Variants in PKP4 observed in about 807,000 individuals in gnomAD.
PKP4 encodes the protein plakophilin-4.
A neutral mutation model predicts 145.1 loss-of-function variants in PKP4; 90 were observed. The ratio of observed to expected loss-of-function variants is 0.62; its 90% CI spans 0.52 to 0.74. The LOEUF is 0.74. Among genes scored for constraint, PKP4 ranks in the 30% least tolerant of loss-of-function variants. PKP4 has a pLI of 0.00. For missense variants in PKP4, 1,340 were observed against 1,482.7 expected (o/e 0.90, Z 1.58); for synonymous variants, 563 against 577.2 (o/e 0.98, Z 0.35).
chr2:158,500,761 G>A (rs1194592698), intron 1 of PKP4, among the ~76,000 whole-genome samples: 1 of 152,192 alleles, frequency 6.6e-6, no homozygotes, highest in Non-Finnish European at 1.5e-5. Context: ...AGAGATGCAA[G>A]TATCTGGGAG....
intron 8 of PKP4, among the ~76,000 whole-genome samples, chr2:158,632,185 A>T (rs773814840): frequency 6.6e-6 from 1 of 152,242 alleles, no homozygotes; most frequent in Non-Finnish European, 1.5e-5. Context: ...TAATTCAGGA[A>T]TAAGTTTGTA....
chr2:158,524,497 A>G (rs1160966829), intron 1 of PKP4, among the ~76,000 whole-genome samples: 4 of 112,446 alleles, frequency 3.6e-5, no homozygotes, highest in Non-Finnish European at 7.5e-5. Flanking sequence ...AAACATGGAA[A>G]GGAACAACCG....
chr2:158,580,532 A>G (rs1281791823), intron 3 of PKP4, among the ~76,000 whole-genome samples: 1 of 152,212 alleles, frequency 6.6e-6, no homozygotes, highest in Non-Finnish European at 1.5e-5. Context: ...GCTGGCATTT[A>G]ATTGTGAAGA....
intron 1 of PKP4, among the ~76,000 whole-genome samples, chr2:158,498,217 A>G (rs1696028720): frequency 6.6e-6 from 1 of 151,828 alleles, no homozygotes; most frequent in Non-Finnish European, 1.5e-5. Context: ...TGAATTCCTG[A>G]GCTCAAGGGA....
At chr2:158,485,470 G>C (rs2105448058) in intron 1 of PKP4, among the ~76,000 whole-genome samples, 1 of 152,226 alleles carries the variant, frequency 6.6e-6, no homozygotes, top group East Asian at 1.9e-4. Flanking sequence ...TAACACCACT[G>C]TTCATAATTT....
At position 158,603,903 on chromosome 2, in the gene PKP4, T is replaced by A. The variant is rs577914999; in HGVS notation, c.280+799T>A. 5.9e-5 allele frequency among the ~76,000 whole-genome samples: 9 copies of A among 152,318 alleles called. 1 individual carries two copies. The Middle Eastern group carries it at 0.017, about 288-fold the overall frequency. ...AAGACTTAGATAACCAAATGCCCAG[T>A]ATCTGAGTTTATCTAAACCTAGTGC... is the stretch of plus-strand genomic sequence containing the variant. On this transcript the variant is annotated intron_variant, in intron 4 of 21. Transcript: ENST00000389759.
chr2:158,629,860 C>T (rs755743870), intron 7 of PKP4, among the ~76,000 whole-genome samples: 6 of 152,086 alleles, frequency 3.9e-5, no homozygotes, highest in Middle Eastern at 3.2e-3. Flanking sequence ...TCTGCCCAGC[C>T]TCAGCTGGGA....
At chr2:158,642,036 G>T (rs189317900) in intron 10 of PKP4, among the ~76,000 whole-genome samples, 4 of 152,052 alleles carry the variant, frequency 2.6e-5, no homozygotes, top group East Asian at 1.9e-4. Context: ...GGTGGGGGGT[G>T]GGGGGCACAG....
At chr2:158,591,847 G>T (rs1189562951) in intron 3 of PKP4, among the ~76,000 whole-genome samples, 2 of 151,986 alleles carry the variant, frequency 1.3e-5, no homozygotes, top group Non-Finnish European at 2.9e-5. Context: ...GGGACAGGGA[G>T]AAAAAAGAGG....
rs75929519 is a variant in PKP4, at chr2:158,558,044, A to C, written c.133-19227A>C. Among the ~76,000 whole-genome samples, 1,056 of 152,314 alleles carry C rather than the reference A, an allele frequency of 6.9e-3. 17 individuals are homozygous for C. The highest frequency in any genetic ancestry group is 0.024 in the African/African-American group (1,005 of 41,574). ...TGTTACTTGAAGCCATGGGAGCAGCAGAGGCATGAAGAACACAGGCCCTAG... is the reference window on the plus strand; with the variant it reads ...TGTTACTTGAAGCCATGGGAGCAGCCGAGGCATGAAGAACACAGGCCCTAG... On this transcript the variant is annotated intron_variant, in intron 2 of 21. Transcript: ENST00000389759.
intron 1 of PKP4, among the ~76,000 whole-genome samples, chr2:158,466,079 A>G (rs1474561349): frequency 6.6e-6 from 1 of 152,236 alleles, no homozygotes; most frequent in Non-Finnish European, 1.5e-5. Context: ...TATCAGTTCC[A>G]TGGGAAAATA....
At position 158,631,899 on chromosome 2, in the gene PKP4, G is replaced by T. The variant is rs988029196; in HGVS notation, c.1300G>T (p.Glu434Ter). 1.2e-6 allele frequency: 2 copies of T among 1,614,090 alleles called. No homozygotes were observed. Among genetic ancestry groups the T allele is most frequent in the Non-Finnish European group, 8.5e-7 (1 of 1,180,020 alleles). The change falls in exon 8 of 22, where the codon GAG becomes TAG. Residue 434 changes from glutamate to a stop codon, truncating the protein, a stop_gained. Coordinates refer to ENST00000389759, the MANE Select transcript of PKP4 (RefSeq NM_003628.6). LOFTEE classifies it high-confidence loss of function. ...CCGCAGCCCAAACCATGGAACTGTG[G>T]AGCTCCAAGGATCGCAGACGGCGTT... ...VYRSPNHGTV[E>*]LQGSQTALYR...
chr2:158,669,337 T>TATTTGTGATGCATAGGA (rs1297378230), intron 16 of PKP4: 1 of 155,028 alleles, frequency 6.5e-6, no homozygotes, highest in Non-Finnish European at 1.4e-5. Flanking sequence ...GAAATTGAGG[T>TATTTGTGATGCATAGGA]ATTTGTGATG....
intron 2 of PKP4, among the ~76,000 whole-genome samples, chr2:158,558,904 A>T (rs2046303494): frequency 6.6e-6 from 1 of 152,144 alleles, no homozygotes; most frequent in Non-Finnish European, 1.5e-5. Context: ...CTTCAGTAGA[A>T]GGTTTCCCTT....
intron 3 of PKP4, among the ~76,000 whole-genome samples, chr2:158,597,578 A>T (rs369717997): frequency 1.3e-5 from 2 of 152,180 alleles, no homozygotes; most frequent in East Asian, 1.9e-4. Context: ...TGGAAGGATG[A>T]TTGTTGGTCA....
intron 1 of PKP4, among the ~76,000 whole-genome samples, chr2:158,483,872 A>G (rs1693737023): frequency 6.6e-6 from 1 of 152,184 alleles, no homozygotes; most frequent in Non-Finnish European, 1.5e-5. Context: ...TCATCGTTCT[A>G]CCAAAGTATT....
At chr2:158,545,601 T>A (rs1390537699) in intron 2 of PKP4, among the ~76,000 whole-genome samples, 19 of 152,204 alleles carry the variant, frequency 1.2e-4, no homozygotes, top group Admixed American at 1.2e-3. Context: ...CTAGTCACTT[T>A]TCATCATATC....
In PKP4 at chr2:158,594,567, C is replaced by T. The variant is rs144237073; in HGVS notation, c.246-8503C>T. Among the ~76,000 whole-genome samples, 394 of 152,264 alleles carry T rather than the reference C, an allele frequency of 2.6e-3. 1 individual carries two copies. The highest frequency in any genetic ancestry group is 4.8e-3 in the Non-Finnish European group (327 of 68,020). ...AGCCAGGAAGAATTAATTAGTGGCC[C>T]TTTCTTGGGAAGAAAGAAATCAGTC... On this transcript the variant is annotated intron_variant, in intron 3 of 21. Coordinates refer to ENST00000389759, the MANE Select transcript of PKP4 (RefSeq NM_003628.6).
chr2:158,503,223 C>T (rs77239039), intron 1 of PKP4, among the ~76,000 whole-genome samples: 9 of 152,342 alleles, frequency 5.9e-5, no homozygotes, highest in African/African-American at 2.2e-4. Context: ...TGCATATCAA[C>T]TCATGTAGAA....
Sources: allele counts gnomAD v4.1 joint callset (sites outside exome capture counted in the v4.1 genomes callset), GRCh38; gene constraint gnomAD v4.1.1; transcripts MANE v1.5; gene names NCBI Gene and HGNC (gene_info 2026-07-23, HGNC 2026-07-21).